Variants in RASAL1 observed in about 807,000 individuals in gnomAD.
RASAL1 encodes RAS protein activator like 1, also known as rasGAP-activating-like protein 1.
RASAL1 carries 72 observed loss-of-function variants against 96.6 expected under a neutral mutation model. The observed-to-expected ratio is 0.75, with a 90% CI of 0.62 to 0.91. The LOEUF is 0.91. RASAL1 is among the 40% of genes least tolerant of loss of function. RASAL1 has a pLI of 0.00. For synonymous variants in RASAL1, 405 were observed against 430.4 expected, an observed-to-expected ratio of 0.94 and a Z score of 0.73; for missense variants, 1,016 against 1,072.5, an observed-to-expected ratio of 0.95 and a Z score of 0.74.
intron 12 of RASAL1, among the ~76,000 whole-genome samples, chr12:113,113,329 G>A (rs909761415): frequency 2.0e-5 from 3 of 152,144 alleles, no homozygotes; most frequent in Admixed American, 6.5e-5. Context: ...TAACAGATAA[G>A]AAAACTGAGG....
At chr12:113,111,276 T>G (rs1327478909) in intron 13 of RASAL1, among the ~76,000 whole-genome samples, 1 of 152,184 alleles carries the variant, frequency 6.6e-6, no homozygotes, top group Non-Finnish European at 1.5e-5. Flanking sequence ...CCTCTCTCTC[T>G]CTCTATTTTA....
chr12:113,121,422 G>T (rs960811528), intron 5 of RASAL1, 87 bp downstream of exon 5: 1 of 1,574,406 alleles, frequency 6.4e-7, no homozygotes, highest in African/African-American at 1.3e-5. Flanking sequence ...GACTGAGGAG[G>T]TCCCAAACGC....
intron 5 of RASAL1, 64 bp downstream of exon 5, chr12:113,121,445 G>A (rs1322694992): frequency 1.2e-6 from 2 of 1,600,168 alleles, no homozygotes; most frequent in Non-Finnish European, 1.7e-6. Flanking sequence ...GGCAGCAGGG[G>A]AGACCCAGGG....
At position 113,119,234 on chromosome 12, in the gene RASAL1, T is replaced by C. The variant is rs186538579; in HGVS notation, c.536A>G (p.His179Arg). ...CCGCAGCTCCAGCACTTCATCCCAGTGCGGGAAGCGAGTCTTCTTGATGGT... is the reference window on the plus strand; with the variant it reads ...CCGCAGCTCCAGCACTTCATCCCAGCGCGGGAAGCGAGTCTTCTTGATGGT... ...TSTIKKTRFPHWDEVLELREM... is the reference protein window; with the variant it reads ...TSTIKKTRFPRWDEVLELREM... The change falls in exon 7 of 21, where the codon CAC becomes CGC. Residue 179 changes from histidine (H) to arginine (R), a missense_variant. His to Arg is a conservative substitution (Grantham distance 29, BLOSUM62 0). Coordinates refer to ENST00000548055, the MANE Select transcript of RASAL1 (RefSeq NM_001301202.2). 8.1e-6 allele frequency: 13 copies of C among 1,613,640 alleles called. No homozygotes were observed. The highest frequency in any genetic ancestry group is 3.3e-4 in the Middle Eastern group (2 of 6,060).
At chr12:113,134,949 C>A (rs769134829) in intron 1 of RASAL1, among the ~76,000 whole-genome samples, 7 of 152,150 alleles carry the variant, frequency 4.6e-5, no homozygotes, top group Non-Finnish European at 7.4e-5. Context: ...GATGTTAGGG[C>A]TCATCTGATC....
chr12:113,124,270 C>G (rs1305009040), intron 4 of RASAL1, among the ~76,000 whole-genome samples: 1 of 150,942 alleles, frequency 6.6e-6, no homozygotes, highest in East Asian at 1.9e-4. Flanking sequence ...GTATTAGGAA[C>G]CCTATTTAAT....
chr12:113,114,157 A>G (rs1950973646), intron 12 of RASAL1, among the ~76,000 whole-genome samples: 1 of 152,172 alleles, frequency 6.6e-6, no homozygotes, highest in Admixed American at 6.5e-5. Flanking sequence ...TTGGATCAAT[A>G]TTTTAGGTTT....
At chr12:113,123,496 G>A (rs1480605813) in intron 4 of RASAL1, among the ~76,000 whole-genome samples, 1 of 152,226 alleles carries the variant, frequency 6.6e-6, no homozygotes, top group Non-Finnish European at 1.5e-5. Flanking sequence ...TTTGTTGAGT[G>A]TAGAATTGAT....
At position 113,115,823 on chromosome 12, in the gene RASAL1, C is replaced by T. The variant is rs762654824; in HGVS notation, c.850-35G>A. On this transcript the variant is annotated intron_variant, in intron 9 of 20. Transcript: ENST00000548055. The surrounding 1 kb of genome is among the most constrained non-coding windows in gnomAD (Gnocchi z 4.1). ...GGCGGGAGACAAAGATGACCTCGGC[C>T]CCTGGGACCCCAAAGCAGATGGGCC... The T allele has an allele frequency of 1.9e-6, 3 of 1,612,012 alleles. No individual in the cohort carries two copies. In the South Asian group the frequency reaches 3.3e-5, roughly 18 times the overall value.
chr12:113,107,771 A>C (rs115519676), intron 14 of RASAL1, among the ~76,000 whole-genome samples: 16,841 of 152,192 alleles, frequency 0.11, 1,101 homozygotes, highest in Middle Eastern at 0.19. Context: ...CAGTCCTACC[A>C]TGGTACTCTC....
At position 113,119,432 on chromosome 12, in the gene RASAL1, G is replaced by T; in HGVS notation, c.440C>A (p.Pro147His). ...GTCAGATGTGCCAGAGATGTCTCTG[G>T]GAGCCAGGTCCCTGGGAACAGATGG... is the stretch of plus-strand genomic sequence containing the variant. ...CHVLQARDLA[P>H]RDISGTSDPF... The change falls in exon 6 of 21, where the codon CCC becomes CAC. Residue 147 changes from proline (P) to histidine (H), a missense_variant. Pro to His is a moderately conservative substitution (Grantham distance 77). Transcript: ENST00000548055. 1 of 1,605,250 alleles carries T rather than the reference G, an allele frequency of 6.2e-7. No individual in the cohort carries two copies. The highest frequency in any genetic ancestry group is 2.2e-5 in the East Asian group (1 of 44,580).
At chr12:113,119,477 C>T (rs770691333) in intron 5 of RASAL1, 34 bp from the exon 6 acceptor site, 33 of 1,571,798 alleles carry the variant, frequency 2.1e-5, no homozygotes, top group South Asian at 1.8e-4. Context: ...TGAGGAAACA[C>T]GGCACCCAAG....
At position 113,115,350 on chromosome 12, in the gene RASAL1, T is replaced by C. The variant is rs778229884; in HGVS notation, c.1004-86A>G. 1.5e-4 allele frequency: 200 copies of C among 1,317,346 alleles called. No individual in the cohort carries two copies. Among genetic ancestry groups the C allele is most frequent in the Non-Finnish European group, 2.0e-4 (181 of 911,584 alleles). 81.6% of individuals were successfully genotyped at this position (1,317,346 alleles called of 1,614,324 possible). On this transcript the variant is annotated intron_variant, in intron 10 of 20. Coordinates refer to ENST00000548055, the MANE Select transcript of RASAL1 (RefSeq NM_001301202.2). The surrounding 1 kb of genome is among the most constrained non-coding windows in gnomAD (Gnocchi z 4.1). The stretch of plus-strand genomic sequence containing the variant: ...TCACCCAAGGTGGGAGTCATGATTC[T>C]TCCAGCCCCAAGAATCAGGAAGACC...
intron 4 of RASAL1, among the ~76,000 whole-genome samples, chr12:113,126,285 A>G (rs1951477701): frequency 6.6e-6 from 1 of 152,192 alleles, no homozygotes; most frequent in African/African-American, 2.4e-5. Flanking sequence ...ACTCCGTCTC[A>G]AAAATAAATA....
In RASAL1 at chr12:113,118,990, C is replaced by G. The variant is rs890693200; in HGVS notation, c.642+138G>C. 3 of 1,102,234 alleles carry G rather than the reference C, an allele frequency of 2.7e-6. No individual in the cohort carries two copies. In the African/African-American group the frequency reaches 4.7e-5, roughly 17 times the overall value. 68.3% of individuals were successfully genotyped at this position (1,102,234 alleles called of 1,614,324 possible). ...AACAGAGCAATGAAACTGCAACACT[C>G]AGGCCTAACCAGGGGAACCTGATGA... On this transcript the variant is annotated intron_variant, in intron 7 of 20. Transcript: ENST00000548055.
At chr12:113,123,045 C>T (rs1439334639) in intron 4 of RASAL1, among the ~76,000 whole-genome samples, 1 of 152,184 alleles carries the variant, frequency 6.6e-6, no homozygotes, top group Non-Finnish European at 1.5e-5. Context: ...TCAACCACTC[C>T]ATTTTTTATT....
intron 1 of RASAL1, among the ~76,000 whole-genome samples, chr12:113,134,012 T>G (rs1419411401): frequency 6.6e-6 from 1 of 152,112 alleles, no homozygotes; most frequent in Non-Finnish European, 1.5e-5. Context: ...GCTCAGTGAG[T>G]GAGAACCCCG....
chr12:113,130,863 C>T lies in RASAL1; in HGVS notation c.122+22G>A. 6.2e-7 allele frequency: 1 copy of T among 1,605,784 alleles called. No homozygotes were observed. Among genetic ancestry groups the T allele is most frequent in the Non-Finnish European group, 8.5e-7 (1 of 1,173,678 alleles). ...AAAGAGACCCCTCCCTTCCTCCTCT[C>T]CCCCGTGTCGCCACCCCTCACCTGG... is the stretch of plus-strand genomic sequence containing the variant. On this transcript the variant is annotated intron_variant, in intron 2 of 20. Transcript: ENST00000548055. This position sits in a 1 kb window ranked among gnomAD's most constrained non-coding sequence, Gnocchi z 5.1.
chr12:113,119,471 G>C, intron 5 of RASAL1, 28 bp from the exon 6 acceptor site: 2 of 1,580,372 alleles, frequency 1.3e-6, no homozygotes, highest in Non-Finnish European at 1.7e-6. Context: ...AAGGAGTGAG[G>C]AAACACGGCA....
Sources: gnomAD v4.1 joint callset for allele counts (sites outside exome capture counted in the v4.1 genomes callset) on GRCh38, gnomAD v4.1.1 for gene constraint, Gnocchi (gnomAD v3.1) non-coding constraint, MANE v1.5 for transcripts, NCBI Gene and HGNC (gene_info 2026-07-23, HGNC 2026-07-21) for gene names.